The following PZP variants were observed in gnomAD, a reference collection of about 807,000 sequenced individuals.
PZP encodes the protein pregnancy zone protein.
PZP carries 150 observed loss-of-function variants against 179.8 expected under a neutral mutation model. That is an observed-to-expected ratio of 0.83 (90% confidence interval 0.73 to 0.96). The LOEUF (loss-of-function observed/expected upper bound fraction) is 0.96, where lower values mean the gene tolerates loss of function less well. Among genes scored for constraint, PZP ranks in the 40% least tolerant of loss-of-function variants. The pLI is 0.00. For synonymous variants in PZP, 624 were observed against 652.3 expected, an observed-to-expected ratio of 0.96 and a Z score of 0.66; for missense variants, 1,689 against 1,764.0, an observed-to-expected ratio of 0.96 and a Z score of 0.76.
At chr12:9,154,584 C>T (rs780117247) in intron 29 of PZP, 32 bp downstream of exon 29, 191 of 1,594,420 alleles carry the variant, frequency 1.2e-4, no homozygotes, top group Non-Finnish European at 1.5e-4. Flanking sequence ...CCAAGTGAAC[C>T]TGGAGCAGAA....
At position 9,161,047 on chromosome 12, in the gene PZP, G is replaced by C. The variant is rs746825523; in HGVS notation, c.2858C>G (p.Ser953Cys). The C allele has an allele frequency of 6.3e-7, 1 of 1,593,080 alleles. No homozygotes were observed. The highest frequency in any genetic ancestry group is 8.6e-7 in the Non-Finnish European group (1 of 1,160,996). Reference protein sequence around the residue: ...SNVVKESARASFSVLGDILGS... With the variant: ...SNVVKESARACFSVLGDILGS... The stretch of plus-strand genomic sequence containing the variant: ...AGGTGACTCACCCAGAACTGAGAAA[G>C]AAGCTCTGGCAGATTCTTTGACCAC... The change falls in exon 23 of 36, where the codon TCT (serine) becomes TGT (cysteine). Residue 953 changes from serine (S) to cysteine (C), a missense_variant. Physicochemically the swap from Ser to Cys is moderately radical, Grantham distance 112. This residue lies in a region of PZP where 746 missense variants were observed against 749.2 expected (regional missense o/e 1.00). Transcript: ENST00000261336.
chr12:9,180,847 A>G, intron 15 of PZP, 136 bp downstream of exon 15: 3 of 826,272 alleles, frequency 3.6e-6, no homozygotes, highest in African/African-American at 1.7e-5. Flanking sequence ...AGAAACTACC[A>G]TCAGAGTGAA....
In PZP at chr12:9,202,563, A is replaced by G; in HGVS notation, c.389T>C (p.Val130Ala). The G allele has an allele frequency of 6.2e-7, 1 of 1,614,084 alleles. No homozygotes were observed. Among genetic ancestry groups the G allele is most frequent in the South Asian group, 1.1e-5 (1 of 91,076 alleles). Residue 130 changes from valine (V) to alanine (A), a missense_variant, in exon 3 of 36, where the codon GTC becomes GCC. Val to Ala is a moderately conservative substitution (Grantham distance 64, BLOSUM62 0). This residue lies in a region of PZP where 742 missense variants were observed against 730.5 expected (regional missense o/e 1.02). Coordinates refer to ENST00000261336, the MANE Select transcript of PZP (RefSeq NM_002864.3). ...LVLNTQSLVF[V>A]QTDKPMYKPG... ...TTTATACATGGGTTTGTCTGTCTGG[A>G]CAAAGACCAGACTTTGGGTGTTCAG...
intron 22 of PZP, among the ~76,000 whole-genome samples, chr12:9,161,651 T>G (rs773990273): frequency 2.2e-4 from 34 of 152,340 alleles, no homozygotes; most frequent in Non-Finnish European, 4.3e-4. Flanking sequence ...TTACACTATA[T>G]TTGAATGGAT....
At chr12:9,177,083 C>T (rs1051782123) in intron 15 of PZP, among the ~76,000 whole-genome samples, 10 of 152,176 alleles carry the variant, frequency 6.6e-5, no homozygotes, top group African/African-American at 2.4e-4. Flanking sequence ...ACAATAATCT[C>T]TGCCTCCTGG....
At chr12:9,160,752 A>C (rs1009148487) in intron 23 of PZP, among the ~76,000 whole-genome samples, 1 of 152,096 alleles carries the variant, frequency 6.6e-6, no homozygotes, top group Non-Finnish European at 1.5e-5. Context: ...GTCTCTACTA[A>C]AAATACAAAA....
At position 9,159,972 on chromosome 12, in the gene PZP, CA is replaced by C; in HGVS notation, c.3102del (p.Phe1034LeufsTer19). On this transcript the variant is annotated frameshift_variant, in exon 25 of 36. Transcript: ENST00000261336. LOFTEE classifies it high-confidence loss of function. ...YKHQDGSYST[F>X]GERYGRNQGN... ...CCCTGGTTCCTGCCATATCGTTCCC[CA>C]AAGGTGCTGTAGGAGCCATCTTGGT... is the stretch of plus-strand genomic sequence containing the variant. The C allele has an allele frequency of 6.2e-7, 1 of 1,613,878 alleles. No homozygotes were observed. Among genetic ancestry groups the C allele is most frequent in the Non-Finnish European group, 8.5e-7 (1 of 1,179,868 alleles).
At chr12:9,194,350 A>G (rs1277820093) in intron 10 of PZP, 112 bp from the exon 11 acceptor site, 1 of 942,142 alleles carries the variant, frequency 1.1e-6, no homozygotes, top group East Asian at 2.6e-5. Flanking sequence ...CCCCCTCAAA[A>G]AAACCCCACC....
At position 9,157,206 on chromosome 12, in the gene PZP, C is replaced by T. The variant is rs1172515982; in HGVS notation, c.3519G>A (p.Leu1173=). 1 of 1,613,944 alleles carries T rather than the reference C, an allele frequency of 6.2e-7. No individual in the cohort carries two copies. Among genetic ancestry groups the T allele is most frequent in the Non-Finnish European group, 8.5e-7 (1 of 1,179,900 alleles). Reference sequence around the variant, plus strand: ...TCACAGCTTCCTTATCAAGTGAGTTCAGTATTTCTCTATTCTGATTTTGCT... The same window carrying T: ...TCACAGCTTCCTTATCAAGTGAGTTTAGTATTTCTCTATTCTGATTTTGCT... ...LGKQNQNREI[L]NSLDKEAVKE... is the part of the protein sequence containing the mutation. Residue 1173 remains leucine, a synonymous_variant, in exon 28 of 36, where the codon CTG becomes CTA. Coordinates refer to ENST00000261336, the MANE Select transcript of PZP (RefSeq NM_002864.3).
the PZP span, among the ~76,000 whole-genome samples, chr12:9,142,223 C>A: frequency 2.0e-5 from 3 of 152,060 alleles, no homozygotes; most frequent in African/African-American, 7.2e-5. Context: ...ACTAGACTGC[C>A]TAAGGCCACA....
chr12:9,184,040 G>C (rs552349593), intron 13 of PZP, among the ~76,000 whole-genome samples: 1 of 152,170 alleles, frequency 6.6e-6, no homozygotes, highest in Non-Finnish European at 1.5e-5. Context: ...GGGGTAGATT[G>C]AAATGTCATA....
rs1236563702 is a variant in PZP, at chr12:9,164,274, G to A, written c.2488-15C>T. 3.7e-6 allele frequency: 6 copies of A among 1,611,060 alleles called. No individual in the cohort carries two copies. Among genetic ancestry groups the A allele is most frequent in the Non-Finnish European group, 5.1e-6 (6 of 1,178,098 alleles). On this transcript the variant is annotated splice_polypyrimidine_tract_variant and intron_variant, in intron 19 of 35. Coordinates refer to ENST00000261336, the MANE Select transcript of PZP (RefSeq NM_002864.3). ...TGCACACTGACCTATCACCCCATGT[G>A]AGGCAGAGACAGAAATGATCAGAAT...
At chr12:9,175,018 A>T (rs1942266426) in intron 15 of PZP, among the ~76,000 whole-genome samples, 1 of 152,232 alleles carries the variant, frequency 6.6e-6, no homozygotes, top group Non-Finnish European at 1.5e-5. Context: ...ATTCTAAGCA[A>T]GAAGAACAAA....
intron 28 of PZP, among the ~76,000 whole-genome samples, chr12:9,156,677 T>C (rs769695211): frequency 1.3e-5 from 2 of 152,378 alleles, no homozygotes; most frequent in South Asian, 2.1e-4. Flanking sequence ...ATGTCTATTA[T>C]GTTCTGCTCT....
At chr12:9,185,809 C>CTTTTCTTTTCTTTTCTTT (rs1269105235) in intron 13 of PZP, among the ~76,000 whole-genome samples, 1 of 149,472 alleles carries the variant, frequency 6.7e-6, no homozygotes, top group East Asian at 1.9e-4. Flanking sequence ...CTTTTCTTTT[C>CTTTTCTTTTCTTTTCTTT]TTTTCTTTTT....
At chr12:9,151,351 C>G (rs1364518983) in intron 33 of PZP, among the ~76,000 whole-genome samples, 3 of 152,108 alleles carry the variant, frequency 2.0e-5, no homozygotes, top group African/African-American at 7.2e-5. Context: ...ACATGGTACA[C>G]CTTTTTTCTA....
chr12:9,197,391 TATA>T (rs1279560510), intron 7 of PZP, among the ~76,000 whole-genome samples: 2 of 140,870 alleles, frequency 1.4e-5, no homozygotes, highest in Non-Finnish European at 3.0e-5. Flanking sequence ...TATATAATAT[TATA>T]ATTATTATAT....
At chr12:9,184,903 C>T (rs946674927) in intron 13 of PZP, among the ~76,000 whole-genome samples, 2 of 152,100 alleles carry the variant, frequency 1.3e-5, no homozygotes, top group Admixed American at 1.3e-4. Flanking sequence ...CCAAGGTCAT[C>T]GAATAGGATA....
At chr12:9,164,079 C>CA in intron 20 of PZP, 54 bp downstream of exon 20, 1 of 1,540,570 alleles carries the variant, frequency 6.5e-7, no homozygotes, top group Middle Eastern at 1.7e-4. Flanking sequence ...AAAAAGTACT[C>CA]AGACAGCCAC....
Sources: gnomAD v4.1 joint callset for allele counts (sites outside exome capture counted in the v4.1 genomes callset) on GRCh38, gnomAD v4.1.1 for gene constraint, gnomAD v4.1.1 regional missense constraint, MANE v1.5 for transcripts, NCBI Gene and HGNC (gene_info 2026-07-23, HGNC 2026-07-21) for gene names.